The following PCDHA9 variants were observed in gnomAD, a reference collection of about 807,000 sequenced individuals.
PCDHA9 encodes protocadherin alpha 9.
In PCDHA9, 62 loss-of-function variants were observed where a neutral mutation model predicts 62.0. The ratio of observed to expected loss-of-function variants is 1.00; its 90% CI spans 0.81 to 1.23. PCDHA9 has a LOEUF of 1.23. Ranked by LOEUF, PCDHA9 falls within the 50% of genes most tolerant of loss-of-function variation. PCDHA9 has a pLI of 0.00. For synonymous variants in PCDHA9, 557 were observed against 567.6 expected (o/e 0.98, Z 0.27); for missense variants, 1,205 against 1,249.8 (o/e 0.96, Z 0.54).
Position 140,926,837 on chromosome 5 carries a change from G to A in PCDHA9, c.2395-52112G>A, listed in dbSNP as rs1170899993. 11 of 1,513,410 alleles carry A rather than the reference G, an allele frequency of 7.3e-6. No individual in the cohort carries two copies. In the African/African-American group the frequency reaches 1.4e-4, roughly 19 times the overall value. 93.7% of individuals were successfully genotyped at this position (1,513,410 alleles called of 1,614,324 possible). ...GTGCTCTCCAGGAGTCCGGAGCATG[G>A]TCCTGGGTCACCGTTGGTGTAGCGT... On this transcript the variant is annotated intron_variant, in intron 1 of 3. Coordinates refer to ENST00000532602, the MANE Select transcript of PCDHA9 (RefSeq NM_031857.2).
chr5:140,873,989 T>C (rs1264143469), intron 1 of PCDHA9, among the ~76,000 whole-genome samples: 3 of 152,222 alleles, frequency 2.0e-5, no homozygotes, highest in African/African-American at 7.2e-5. Context: ...TTCCTTAGCA[T>C]GTATGGTACA....
chr5:140,856,535 G>C (rs782625131), intron 1 of PCDHA9: 1 of 1,598,416 alleles, frequency 6.3e-7, no homozygotes, highest in Non-Finnish European at 8.6e-7. Flanking sequence ...GGATGTTGGA[G>C]AGAACGCATT....
At chr5:140,997,533 A>G (rs1247028089) in intron 3 of PCDHA9, among the ~76,000 whole-genome samples, 1 of 152,230 alleles carries the variant, frequency 6.6e-6, no homozygotes, top group Non-Finnish European at 1.5e-5. Context: ...CAATAAAAAT[A>G]CATTATTATA....
chr5:140,928,642 G>C, intron 1 of PCDHA9: 1 of 1,614,232 alleles, frequency 6.2e-7, no homozygotes, highest in African/African-American at 1.3e-5. Flanking sequence ...CACAAAAGTG[G>C]TAGCAGAGGA....
In PCDHA9 at chr5:140,876,868, G is replaced by C. The variant is rs563777938; in HGVS notation, c.2394+25979G>C. On this transcript the variant is annotated intron_variant, in intron 1 of 3. Coordinates refer to ENST00000532602, the MANE Select transcript of PCDHA9 (RefSeq NM_031857.2). ...GCCCGAGTACACAGTGTTCGTGAAG[G>C]AGAACAACCCGCCGGGCTGCCACAT... is the stretch of plus-strand genomic sequence containing the variant. 6 of 1,614,160 alleles carry C rather than the reference G, an allele frequency of 3.7e-6. No homozygotes were observed. In the East Asian group the frequency reaches 1.3e-4, roughly 36 times the overall value.
At chr5:140,915,244 G>A (rs1440851135) in intron 1 of PCDHA9, among the ~76,000 whole-genome samples, 2 of 152,058 alleles carry the variant, frequency 1.3e-5, no homozygotes, top group Non-Finnish European at 2.9e-5. Flanking sequence ...ACCATGCCTG[G>A]CCAGGTTGTT....
At position 140,957,203 on chromosome 5, in the gene PCDHA9, A is replaced by T. The variant is rs921844658; in HGVS notation, c.2395-21746A>T. 3.3e-5 allele frequency among the ~76,000 whole-genome samples: 5 copies of T among 152,184 alleles called. 1 individual carries two copies. In the South Asian group the frequency reaches 6.2e-4, roughly 19 times the overall value. ...TATTGATGACCGATTGGGAATATAAATAGGCACAAAAATTTGGCGAAGCAT... is the reference window on the plus strand; with the variant it reads ...TATTGATGACCGATTGGGAATATAATTAGGCACAAAAATTTGGCGAAGCAT... On this transcript the variant is annotated intron_variant, in intron 1 of 3. Transcript: ENST00000532602.
At position 140,851,996 on chromosome 5, in the gene PCDHA9, G is replaced by A. The variant is rs782761862; in HGVS notation, c.2394+1107G>A. ...TACCTTTAGTGCAAGCTATTTGTTT[G>A]TTTTCTAATTTATAGTTTTAAAAAC... On this transcript the variant is annotated intron_variant, in intron 1 of 3. Transcript: ENST00000532602. The A allele has an allele frequency of 4.9e-4, 481 of 975,902 alleles. 33 individuals carry two copies. Among genetic ancestry groups the A allele is most frequent in the Admixed American group, 1.4e-3 (23 of 15,868 alleles). The allele number at this position is 975,902 out of a possible 1,614,324, so 60.5% of individuals were successfully genotyped here.
intron 1 of PCDHA9, chr5:140,853,685 C>T (rs1554146805): frequency 1.0e-6 from 1 of 988,006 alleles, no homozygotes; most frequent in Non-Finnish European, 1.2e-6. Context: ...TCAACCTATC[C>T]TTAGACCTGC....
intron 1 of PCDHA9, among the ~76,000 whole-genome samples, chr5:140,952,040 G>T (rs1243206064): frequency 1.3e-5 from 2 of 152,216 alleles, no homozygotes; most frequent in African/African-American, 4.8e-5. Context: ...CAGTAGGGCA[G>T]TTATTAAATC....
intron 1 of PCDHA9, among the ~76,000 whole-genome samples, chr5:140,971,300 A>T (rs555201828): frequency 2.0e-5 from 3 of 152,380 alleles, no homozygotes; most frequent in African/African-American, 7.2e-5. Flanking sequence ...ACTTTGGTAC[A>T]CAAACATTTA....
intron 1 of PCDHA9, among the ~76,000 whole-genome samples, chr5:140,947,315 C>CGGTT (rs1443576978): frequency 4.0e-5 from 6 of 151,444 alleles, no homozygotes; most frequent in African/African-American, 1.5e-4. Flanking sequence ...TGTAAAAAGT[C>CGGTT]GGTTGACCAT....
intron 1 of PCDHA9, among the ~76,000 whole-genome samples, chr5:140,907,844 C>T (rs1402744978): frequency 1.3e-5 from 2 of 152,218 alleles, no homozygotes; most frequent in African/African-American, 4.8e-5. Context: ...TATTAAAATC[C>T]TCCTCTGCTG....
At chr5:140,915,766 T>G (rs2077298451) in intron 1 of PCDHA9, among the ~76,000 whole-genome samples, 1 of 151,974 alleles carries the variant, frequency 6.6e-6, no homozygotes, top group African/African-American at 2.4e-5. Context: ...CTGGGTCTTG[T>G]CCAAGGCCTG....
intron 1 of PCDHA9, chr5:140,926,719 A>C: frequency 2.0e-6 from 2 of 986,548 alleles, no homozygotes; most frequent in Non-Finnish European, 2.7e-6. Context: ...AGCCCCGGCA[A>C]TGCCGGCGTT....
chr5:140,968,994 G>A lies in PCDHA9; in HGVS notation c.2395-9955G>A. 6.2e-7 allele frequency: 1 copy of A among 1,614,216 alleles called. No individual in the cohort carries two copies. The highest frequency in any genetic ancestry group is 8.5e-7 in the Non-Finnish European group (1 of 1,180,038). On this transcript the variant is annotated intron_variant, in intron 1 of 3. Transcript: ENST00000532602. ...ACTGCGTATGGCACTGCATGCTGTG[G>A]AGGCTTCTGTGGAGTAAGGGAAAGG...
chr5:140,883,481 T>C (rs1401240290), intron 1 of PCDHA9: 1 of 1,614,166 alleles, frequency 6.2e-7, no homozygotes, highest in East Asian at 2.2e-5. Flanking sequence ...CAAGAACTAC[T>C]ACTCATTAGT....
chr5:140,949,313 A>G (rs989940621), intron 1 of PCDHA9, among the ~76,000 whole-genome samples: 1 of 151,952 alleles, frequency 6.6e-6, no homozygotes, highest in Non-Finnish European at 1.5e-5. Context: ...GTAATGATTT[A>G]TAAATATAAA....
intron 1 of PCDHA9, among the ~76,000 whole-genome samples, chr5:140,978,710 A>G (rs576055391): frequency 1.3e-5 from 2 of 152,378 alleles, no homozygotes; most frequent in East Asian, 3.9e-4. Flanking sequence ...GGTGGCCTTT[A>G]CAAGATTATT....
Sources: gnomAD v4.1 joint callset for allele counts (sites outside exome capture counted in the v4.1 genomes callset) on GRCh38, gnomAD v4.1.1 for gene constraint, MANE v1.5 for transcripts, NCBI Gene and HGNC (gene_info 2026-07-23, HGNC 2026-07-21) for gene names.